TMPRSS15: variants seen among roughly 807,000 people sequenced by gnomAD.
TMPRSS15 encodes the protein enteropeptidase.
A neutral mutation model predicts 125.3 loss-of-function variants in TMPRSS15; 128 were observed. That is an observed-to-expected ratio of 1.02 (90% CI 0.89 to 1.18). TMPRSS15 has a LOEUF of 1.18. Ranked by LOEUF, TMPRSS15 falls within the 50% of genes most tolerant of loss-of-function variation. The pLI, the probability that TMPRSS15 is intolerant of heterozygous loss-of-function variation, is 0.00. For missense variants in TMPRSS15, 1,283 were observed against 1,212.7 expected (o/e 1.06, Z -0.86); for synonymous variants, 446 against 423.2 (o/e 1.05, Z -0.66).
At chr21:18,365,649 C>CTCTTCCTTCCTTCCTT (rs1569035705) in intron 6 of TMPRSS15, among the ~76,000 whole-genome samples, 1 of 65,812 alleles carries the variant, frequency 1.5e-5, no homozygotes, top group Non-Finnish European at 2.8e-5. Context: ...TCTTTTTCCT[C>CTCTTCCTTCCTTCCTT]CCTTCCTTCC....
chr21:18,298,409 A>C (rs113511019), intron 18 of TMPRSS15, among the ~76,000 whole-genome samples: 2 of 152,346 alleles, frequency 1.3e-5, no homozygotes, highest in Admixed American at 6.5e-5. Flanking sequence ...GCACTAAAGG[A>C]GAGACTATGC....
At chr21:18,382,150 C>A (rs985171907) in intron 4 of TMPRSS15, among the ~76,000 whole-genome samples, 1 of 152,076 alleles carries the variant, frequency 6.6e-6, no homozygotes, top group South Asian at 2.1e-4. Context: ...GTCTAAATGA[C>A]TGTGTGAAAA....
chr21:18,389,125 G>T (rs2075969807), intron 3 of TMPRSS15, among the ~76,000 whole-genome samples: 1 of 142,924 alleles, frequency 7.0e-6, no homozygotes, highest in Non-Finnish European at 1.5e-5. Context: ...GAGAAAGAAA[G>T]AAAGATGGAA....
intron 1 of TMPRSS15, among the ~76,000 whole-genome samples, chr21:18,475,987 C>T (rs1978873139): frequency 6.6e-6 from 1 of 151,998 alleles, no homozygotes; most frequent in Admixed American, 6.6e-5. Flanking sequence ...CATTAATTGC[C>T]ACAGGCTGGG....
At chr21:18,405,291 G>A (rs865843882), upstream of TMPRSS15, among the ~76,000 whole-genome samples, 33 of 152,000 alleles carry the variant, frequency 2.2e-4, no homozygotes, top group African/African-American at 7.5e-4. Context: ...TTTCACTTTC[G>A]ATCACAAATT....
At chr21:18,419,776 GCC>G (rs894862329) in intron 1 of TMPRSS15, among the ~76,000 whole-genome samples, 1 of 152,126 alleles carries the variant, frequency 6.6e-6, no homozygotes, top group Non-Finnish European at 1.5e-5. Context: ...AATACATCCT[GCC>G]CTGGTATGTG....
intron 6 of TMPRSS15, among the ~76,000 whole-genome samples, chr21:18,367,228 G>A (rs893729157): frequency 2.0e-5 from 3 of 152,044 alleles, no homozygotes; most frequent in East Asian, 1.9e-4. Flanking sequence ...TGAACAATCC[G>A]GCACAGATCA....
At chr21:18,415,233 G>A (rs936645456) in intron 1 of TMPRSS15, among the ~76,000 whole-genome samples, 1 of 152,060 alleles carries the variant, frequency 6.6e-6, no homozygotes, top group Non-Finnish European at 1.5e-5. Flanking sequence ...TGATTTGTGA[G>A]TTCCTTATAT....
Position 18,451,080 on chromosome 21 carries a change from A to T in TMPRSS15, c.10+34719T>A, listed in dbSNP as rs538668757. On this transcript the variant is annotated intron_variant, in intron 1 of 7. Transcript: ENST00000422787. ...ATGCAAAAGATTCTCTTTTTTTTTTAAAATACACTGAATCCTCCTTTTTTA... is the reference window on the plus strand; with the variant it reads ...ATGCAAAAGATTCTCTTTTTTTTTTTAAATACACTGAATCCTCCTTTTTTA... Among the ~76,000 whole-genome samples the T allele has an allele frequency of 3.0e-3, 458 of 151,958 alleles. 1 individual carries two copies. Among genetic ancestry groups the T allele is most frequent in the African/African-American group, 0.01 (420 of 41,486 alleles).
chr21:18,365,649 CCCTTCCTTCCTTCCTTCCTTCCTT>C (rs57962003), intron 6 of TMPRSS15, among the ~76,000 whole-genome samples: 117 of 65,860 alleles, frequency 1.8e-3, no homozygotes, highest in African/African-American at 7.4e-3. Flanking sequence ...TCTTTTTCCT[CCCTTCCTTCCTTCCTTCCTTCCTT>C]CCTTCCTTCC....
At chr21:18,381,861 G>T (rs2075895793) in intron 4 of TMPRSS15, among the ~76,000 whole-genome samples, 1 of 151,914 alleles carries the variant, frequency 6.6e-6, no homozygotes, top group Admixed American at 6.6e-5. Context: ...AGAATGAGGA[G>T]AAATAACTAA....
intron 17 of TMPRSS15, among the ~76,000 whole-genome samples, chr21:18,313,347 C>CTA (rs1244391395): frequency 1.2e-4 from 17 of 138,338 alleles, no homozygotes; most frequent in African/African-American, 4.0e-4. Flanking sequence ...CTCTCTCTCT[C>CTA]TCTATATATA....
At chr21:18,278,919 G>C in intron 23 of TMPRSS15, 45 bp downstream of exon 23, 2 of 897,752 alleles carry the variant, frequency 2.2e-6, no homozygotes, top group Non-Finnish European at 3.4e-6. Context: ...TTTTTCACCA[G>C]TAAGGTTTTT....
intron 1 of TMPRSS15, among the ~76,000 whole-genome samples, chr21:18,476,369 T>C (rs1036619857): frequency 2.6e-5 from 4 of 152,178 alleles, no homozygotes; most frequent in African/African-American, 9.6e-5. Context: ...ATTTTTAGAT[T>C]TCTGGTAGAA....
At chr21:18,385,685 T>C (rs2075937533) in intron 3 of TMPRSS15, among the ~76,000 whole-genome samples, 1 of 152,168 alleles carries the variant, frequency 6.6e-6, no homozygotes, top group South Asian at 2.1e-4. Flanking sequence ...TATGTCATTG[T>C]CATTGTACTA....
chr21:18,481,634 A>C (rs1209203170), intron 1 of TMPRSS15, among the ~76,000 whole-genome samples: 1 of 151,728 alleles, frequency 6.6e-6, no homozygotes, highest in Non-Finnish European at 1.5e-5. Flanking sequence ...AAAAAATCCA[A>C]GTCCTAATCA....
intron 17 of TMPRSS15, among the ~76,000 whole-genome samples, chr21:18,314,146 A>G (rs1022541579): frequency 6.6e-6 from 1 of 152,158 alleles, no homozygotes; most frequent in East Asian, 1.9e-4. Flanking sequence ...TTATGACAAG[A>G]GCTAAGAGCA....
At chr21:18,315,048 A>T in intron 17 of TMPRSS15, 98 bp downstream of exon 17, 1 of 938,246 alleles carries the variant, frequency 1.1e-6, no homozygotes, top group Non-Finnish European at 1.7e-6. Flanking sequence ...GCATCAAAAC[A>T]GGTCCTAATA....
chr21:18,439,437 GTATA>G (rs1195908665), intron 1 of TMPRSS15, among the ~76,000 whole-genome samples: 1 of 152,074 alleles, frequency 6.6e-6, no homozygotes, highest in Non-Finnish European at 1.5e-5. Context: ...TCTTTTCTAA[GTATA>G]TAAAGAAGTT....
Sources: gnomAD v4.1 joint callset for allele counts (sites outside exome capture counted in the v4.1 genomes callset) on GRCh38, gnomAD v4.1.1 for gene constraint, MANE v1.5 for transcripts, NCBI Gene and HGNC (gene_info 2026-07-23, HGNC 2026-07-21) for gene names.